Variants in CCDC144A observed in about 807,000 individuals in gnomAD.
CCDC144A encodes coiled-coil domain containing 144A.
Under a neutral mutation model 143.8 loss-of-function variants are expected in CCDC144A, and 41 were observed. The observed-to-expected ratio is 0.29, with a 90% confidence interval of 0.22 to 0.37. The LOEUF (loss-of-function observed/expected upper bound fraction) is 0.37. CCDC144A is among the 10% of genes least tolerant of loss of function. The pLI is 1.00. For synonymous variants in CCDC144A, 242 were observed against 517.9 expected (o/e 0.47, Z 7.23); for missense variants, 637 against 1,488.8 (o/e 0.43, Z 9.41).
At chr17:16,722,865 C>A (rs1431470179) in intron 8 of CCDC144A, among the ~76,000 whole-genome samples, 1 of 152,044 alleles carries the variant, frequency 6.6e-6, no homozygotes, top group African/African-American at 2.4e-5. Context: ...CTCATTATCG[C>A]ATGGCTGTAC....
intron 12 of CCDC144A, chr17:16,737,675 A>C: frequency 7.8e-7 from 1 of 1,290,122 alleles, no homozygotes; most frequent in Admixed American, 2.4e-5. Context: ...TCAGAAGTGA[A>C]GTATGTATGA....
the CCDC144A span, among the ~76,000 whole-genome samples, chr17:16,678,753 T>TC: frequency 7.5e-5 from 8 of 106,974 alleles, no homozygotes; most frequent in African/African-American, 3.1e-4. Flanking sequence ...GCTAATTTGT[T>TC]TTTTTTTTTT....
intron 2 of CCDC144A, chr17:16,695,167 C>T (rs2621655): frequency 1.3e-5 from 2 of 152,152 alleles, no homozygotes; most frequent in Non-Finnish European, 2.9e-5. Context: ...CTCTATTTAA[C>T]TTCTGTGTTT....
intron 2 of CCDC144A, among the ~76,000 whole-genome samples, chr17:16,696,159 C>T (rs1347663888): frequency 6.6e-6 from 1 of 152,048 alleles, no homozygotes; most frequent in Non-Finnish European, 1.5e-5. Flanking sequence ...GGAATACAGG[C>T]GCGAGCCACC....
In CCDC144A at chr17:16,750,648, CCTCT is replaced by C. The variant is rs759793636; in HGVS notation, c.3373-10771_3373-10768del. Among the ~76,000 whole-genome samples the C allele has an allele frequency of 2.3e-3, 352 of 150,918 alleles. 2 individuals carry two copies. Among genetic ancestry groups the C allele is most frequent in the Non-Finnish European group, 1.9e-3 (127 of 67,836 alleles). ...CTCAGACATGTTTTCCATGTTGCTT[CCTCT>C]CTCTCCTTCTCTTTCAGCCATGCCA... On this transcript the variant is annotated intron_variant, in intron 12 of 16. Coordinates refer to ENST00000399273, the MANE Select transcript of CCDC144A (RefSeq NM_001382000.1).
intron 6 of CCDC144A, among the ~76,000 whole-genome samples, chr17:16,713,157 A>G (rs1336036305): frequency 6.6e-6 from 1 of 152,164 alleles, no homozygotes; most frequent in East Asian, 1.9e-4. Context: ...ATTTTTGTAA[A>G]GAGCCAGTTA....
intron 2 of CCDC144A, among the ~76,000 whole-genome samples, chr17:16,699,477 A>T (rs1302745087): frequency 1.1e-5 from 1 of 93,300 alleles, no homozygotes; most frequent in African/African-American, 4.4e-5. Flanking sequence ...CCGGGTTCAC[A>T]CCATTCTCCT....
intron 9 of CCDC144A, among the ~76,000 whole-genome samples, chr17:16,730,049 G>C (rs1913666988): frequency 7.5e-6 from 1 of 132,544 alleles, no homozygotes; most frequent in African/African-American, 2.9e-5. Context: ...ATGTTGCCCA[G>C]GCTGGTCTCA....
At chr17:16,699,375 T>A (rs1911590105) in intron 2 of CCDC144A, among the ~76,000 whole-genome samples, 1 of 145,982 alleles carries the variant, frequency 6.9e-6, no homozygotes, top group Non-Finnish European at 1.5e-5. Flanking sequence ...TTTTTTGGAC[T>A]TTTTTTGTTG....
chr17:16,748,793 A>G (rs1026450363), intron 12 of CCDC144A, among the ~76,000 whole-genome samples: 9 of 152,050 alleles, frequency 5.9e-5, no homozygotes, highest in Admixed American at 2.6e-4. Flanking sequence ...CATGATTTCA[A>G]TTTCCTCGTG....
At chr17:16,699,522 TGA>T (rs1911611219) in intron 2 of CCDC144A, among the ~76,000 whole-genome samples, 1 of 3,200 alleles carries the variant, frequency 3.1e-4, no homozygotes, top group Non-Finnish European at 5.5e-4. Flanking sequence ...ATTACAGGCG[TGA>T]GCCACCGCGC....
intron 2 of CCDC144A, among the ~76,000 whole-genome samples, chr17:16,700,555 C>G (rs1567584795): frequency 6.6e-6 from 1 of 152,120 alleles, no homozygotes; most frequent in African/African-American, 2.4e-5. Context: ...TGCAAGCAAG[C>G]CTTTCTAAGG....
chr17:16,771,186 A>G (rs932649498), intron 15 of CCDC144A, among the ~76,000 whole-genome samples: 3 of 152,258 alleles, frequency 2.0e-5, no homozygotes, highest in African/African-American at 7.2e-5. Flanking sequence ...TTCATAATTA[A>G]GTAGATAACT....
In CCDC144A at chr17:16,726,394, AAG is replaced by A. The variant is rs1258347151; in HGVS notation, c.1892-1127_1892-1126del. ...AGACTCCGTCTCAAAAAAAAAAAAA[AAG>A]AGAGATAAAAAAAAAAGAAAAATCT... On this transcript the variant is annotated intron_variant, in intron 8 of 16. Transcript: ENST00000399273. Among the ~76,000 whole-genome samples, 39 of 146,032 alleles carry A rather than the reference AAG, an allele frequency of 2.7e-4. 1 individual carries two copies. In the Middle Eastern group the frequency reaches 0.014, roughly 51 times the overall value.
rs1320867735 is a variant in CCDC144A, at chr17:16,727,745, G to C, written c.2105+5G>C. The C allele has an allele frequency of 6.2e-7, 1 of 1,600,080 alleles. No individual in the cohort carries two copies. Among genetic ancestry groups the C allele is most frequent in the East Asian group, 2.2e-5 (1 of 44,524 alleles). Reference sequence around the variant, plus strand: ...GAAAGAGCTGTACGATTTGAGGTATGATGTTCTAGTTCTAAAGAAATGTTT... The same window carrying C: ...GAAAGAGCTGTACGATTTGAGGTATCATGTTCTAGTTCTAAAGAAATGTTT... On this transcript the variant is annotated splice_donor_5th_base_variant and intron_variant, in intron 9 of 16. Coordinates refer to ENST00000399273, the MANE Select transcript of CCDC144A (RefSeq NM_001382000.1).
chr17:16,699,461 C>T (rs1236721629), intron 2 of CCDC144A, among the ~76,000 whole-genome samples: 2 of 125,354 alleles, frequency 1.6e-5, no homozygotes, highest in African/African-American at 3.2e-5. Context: ...CTGCAAGCTC[C>T]GCCTCCCGGG....
At chr17:16,676,039 C>T in the CCDC144A span, among the ~76,000 whole-genome samples, 1 of 151,972 alleles carries the variant, frequency 6.6e-6, no homozygotes, top group African/African-American at 2.4e-5. Context: ...TGAGCCACTG[C>T]GCCCGGCCCA....
chr17:16,685,093 G>A (rs529714750), upstream of CCDC144A, among the ~76,000 whole-genome samples: 4 of 152,286 alleles, frequency 2.6e-5, no homozygotes, highest in East Asian at 5.8e-4. Flanking sequence ...AGGCTATGGC[G>A]TGATCTCATT....
chr17:16,722,421 T>A (rs1913144817), intron 8 of CCDC144A, among the ~76,000 whole-genome samples: 1 of 152,234 alleles, frequency 6.6e-6, no homozygotes, highest in African/African-American at 2.4e-5. Flanking sequence ...AGATTATCCC[T>A]GTACTCCCTG....
Sources: gnomAD v4.1 joint callset for allele counts (sites outside exome capture counted in the v4.1 genomes callset) on GRCh38, gnomAD v4.1.1 for gene constraint, MANE v1.5 for transcripts, NCBI Gene and HGNC (gene_info 2026-07-23, HGNC 2026-07-21) for gene names.